Variants in ARHGAP42 observed in about 807,000 individuals in gnomAD.
ARHGAP42 encodes rho GTPase-activating protein 42.
A neutral mutation model predicts 125.0 loss-of-function variants in ARHGAP42; 63 were observed. The ratio of observed to expected loss-of-function variants is 0.50; its 90% CI spans 0.41 to 0.62. The LOEUF (loss-of-function observed/expected upper bound fraction) is 0.62. Among genes scored for constraint, ARHGAP42 ranks in the 20% least tolerant of loss-of-function variants. The pLI, the probability that ARHGAP42 is intolerant of heterozygous loss-of-function variation, is 0.00. For missense variants in ARHGAP42, 766 were observed against 1,024.2 expected (o/e 0.75, Z 3.44); for synonymous variants, 339 against 351.0 (o/e 0.97, Z 0.38).
chr11:100,787,547 A>G (rs1483699822), intron 2 of ARHGAP42, among the ~76,000 whole-genome samples: 2 of 152,206 alleles, frequency 1.3e-5, no homozygotes, highest in Non-Finnish European at 2.9e-5. Context: ...ACCAGAAGAG[A>G]GCGAAAGATT....
chr11:100,734,355 C>A (rs1260076409), intron 1 of ARHGAP42, among the ~76,000 whole-genome samples: 1 of 152,096 alleles, frequency 6.6e-6, no homozygotes, highest in Non-Finnish European at 1.5e-5. Flanking sequence ...TCTTGGCTCA[C>A]CACAACCTCT....
At chr11:100,963,575 A>G (rs1305360623) in intron 16 of ARHGAP42, among the ~76,000 whole-genome samples, 1 of 152,234 alleles carries the variant, frequency 6.6e-6, no homozygotes, top group African/African-American at 2.4e-5. Context: ...ATAAAGTTGA[A>G]TGACCTCGGT....
intron 12 of ARHGAP42, among the ~76,000 whole-genome samples, chr11:100,950,255 A>ATATAAT (rs1157798949): frequency 1.4e-5 from 2 of 143,342 alleles, no homozygotes; most frequent in African/African-American, 4.9e-5. Flanking sequence ...AATATATAAT[A>ATATAAT]TATAATTATA....
chr11:100,700,318 T>C (rs1284479719), intron 1 of ARHGAP42, among the ~76,000 whole-genome samples: 1 of 152,248 alleles, frequency 6.6e-6, no homozygotes, highest in Non-Finnish European at 1.5e-5. Flanking sequence ...TGTTCATGGC[T>C]ACTGACTGAT....
chr11:100,717,578 A>G (rs1206753359), intron 1 of ARHGAP42, among the ~76,000 whole-genome samples: 1 of 143,072 alleles, frequency 7.0e-6, no homozygotes, highest in South Asian at 2.4e-4. Context: ...TGGAGCTGGT[A>G]GTGAGCCGAG....
intron 3 of ARHGAP42, among the ~76,000 whole-genome samples, chr11:100,821,562 C>T (rs906590263): frequency 2.0e-5 from 3 of 149,442 alleles, no homozygotes; most frequent in Non-Finnish European, 4.4e-5. Flanking sequence ...TATGCCTGGG[C>T]AAGCTATCTT....
At chr11:100,968,983 A>C (rs982671303) in intron 17 of ARHGAP42, among the ~76,000 whole-genome samples, 1 of 152,068 alleles carries the variant, frequency 6.6e-6, no homozygotes, top group African/African-American at 2.4e-5. Flanking sequence ...TTTGAATTAC[A>C]GTCTAAGGTC....
intron 3 of ARHGAP42, among the ~76,000 whole-genome samples, chr11:100,836,053 A>C (rs1864780359): frequency 6.6e-6 from 1 of 152,114 alleles, no homozygotes; most frequent in African/African-American, 2.4e-5. Context: ...GTTCACACTT[A>C]ATAAAGAGTT....
chr11:100,978,844 TA>T, intron 21 of ARHGAP42, 142 bp from the exon 22 acceptor site: 1 of 761,260 alleles, frequency 1.3e-6, no homozygotes, highest in Non-Finnish European at 2.2e-6. Flanking sequence ...CATTAAAGGT[TA>T]AAACAATTAA....
intron 3 of ARHGAP42, among the ~76,000 whole-genome samples, chr11:100,835,739 G>A (rs760577882): frequency 2.1e-4 from 32 of 151,744 alleles, no homozygotes; most frequent in Non-Finnish European, 2.2e-4. Flanking sequence ...TCTTCATTTG[G>A]TTATAAGTAA....
intron 4 of ARHGAP42, among the ~76,000 whole-genome samples, chr11:100,884,564 A>G (rs1203533326): frequency 6.6e-6 from 1 of 152,182 alleles, no homozygotes; most frequent in African/African-American, 2.4e-5. Context: ...AAGAGTCAAA[A>G]TCAAATCATG....
chr11:100,742,826 C>A (rs1158886854), intron 1 of ARHGAP42, among the ~76,000 whole-genome samples: 1 of 152,014 alleles, frequency 6.6e-6, no homozygotes, highest in African/African-American at 2.4e-5. Flanking sequence ...TTATGACTAC[C>A]TTTGTCTTTT....
chr11:100,862,904 G>T (rs979091608), intron 4 of ARHGAP42, among the ~76,000 whole-genome samples: 3 of 151,700 alleles, frequency 2.0e-5, no homozygotes, highest in African/African-American at 7.3e-5. Context: ...AGGCGGGGTG[G>T]TGCATGCCTG....
At chr11:100,740,686 A>G (rs890021171) in intron 1 of ARHGAP42, among the ~76,000 whole-genome samples, 1 of 152,174 alleles carries the variant, frequency 6.6e-6, no homozygotes, top group African/African-American at 2.4e-5. Context: ...TGCAAGATAA[A>G]GCGATGGGGT....
intron 1 of ARHGAP42, among the ~76,000 whole-genome samples, chr11:100,698,657 T>C (rs1225459509): frequency 6.6e-6 from 1 of 152,142 alleles, no homozygotes; most frequent in Non-Finnish European, 1.5e-5. Context: ...CTCTAGACAA[T>C]GTACTCAAGA....
intron 6 of ARHGAP42, among the ~76,000 whole-genome samples, chr11:100,923,827 T>A (rs1867346601): frequency 6.6e-6 from 1 of 152,138 alleles, no homozygotes; most frequent in African/African-American, 2.4e-5. Flanking sequence ...AACCAAATAG[T>A]ACTGTCAGTT....
At chr11:100,779,603 T>C (rs1443616206) in intron 2 of ARHGAP42, among the ~76,000 whole-genome samples, 1 of 117,054 alleles carries the variant, frequency 8.5e-6, no homozygotes. Context: ...TATATATATG[T>C]ACTTACTTGA....
intron 2 of ARHGAP42, among the ~76,000 whole-genome samples, chr11:100,782,792 G>T (rs599222): frequency 6.6e-6 from 1 of 152,022 alleles, no homozygotes; most frequent in African/African-American, 2.4e-5. Flanking sequence ...TTTGGGACTC[G>T]GAAATAACAT....
At chr11:100,905,997 C>G (rs905500262) in intron 4 of ARHGAP42, among the ~76,000 whole-genome samples, 1 of 152,192 alleles carries the variant, frequency 6.6e-6, no homozygotes, top group Non-Finnish European at 1.5e-5. Context: ...AATACCTTCT[C>G]CATTCCATTT....
Sources: gnomAD v4.1 joint callset for allele counts (sites outside exome capture counted in the v4.1 genomes callset) on GRCh38, gnomAD v4.1.1 for gene constraint, MANE v1.5 for transcripts, NCBI Gene and HGNC (gene_info 2026-07-23, HGNC 2026-07-21) for gene names.